Variants in VHL observed in about 807,000 individuals in gnomAD.
VHL encodes the protein von Hippel-Lindau tumor suppressor, also known as von Hippel-Lindau disease tumor suppressor.
In VHL, 10 loss-of-function variants were observed where a neutral mutation model predicts 19.2. That is an observed-to-expected ratio of 0.52 (90% CI 0.32 to 0.89). The LOEUF (loss-of-function observed/expected upper bound fraction) is 0.89, where lower values mean the gene tolerates loss of function less well. VHL is among the 40% of genes least tolerant of loss of function. VHL has a pLI of 0.03. For missense variants in VHL, 328 were observed against 292.7 expected (o/e 1.12, Z -0.88); for synonymous variants, 167 against 129.5 (o/e 1.29, Z -1.97).
intron 1 of VHL, among the ~76,000 whole-genome samples, chr3:10,144,237 C>A (rs1256753139): frequency 1.3e-5 from 2 of 151,282 alleles, no homozygotes; most frequent in Admixed American, 6.6e-5. Context: ...GAGGCTGAGG[C>A]AGGAGGATTT....
intron 2 of VHL, 56 bp downstream of exon 2, chr3:10,146,692 A>G (rs1696269115): frequency 1.2e-6 from 2 of 1,607,184 alleles, no homozygotes; most frequent in Non-Finnish European, 1.7e-6. Context: ...TACAGGATAG[A>G]CCACTTGAAA....
At position 10,150,203 on chromosome 3, in the gene VHL, G is replaced by C; in HGVS notation, c.*238G>C. 4 of 1,374,854 alleles carry C rather than the reference G, an allele frequency of 2.9e-6. No individual in the cohort carries two copies. Among genetic ancestry groups the C allele is most frequent in the Non-Finnish European group, 3.8e-6 (4 of 1,061,518 alleles). 85.2% of individuals were successfully genotyped at this position (1,374,854 alleles called of 1,614,324 possible). ...ATTAGAGAAGTATTTATCAGGAGAA[G>C]GTGGTGGCATTTTTGCTTCCTAGTA... On this transcript the variant is annotated 3_prime_UTR_variant, in exon 3 of 3. Coordinates refer to ENST00000256474, the MANE Select transcript of VHL (RefSeq NM_000551.4).
In VHL at chr3:10,153,150, C is replaced by T. The variant is rs992364603; in HGVS notation, c.*3185C>T. The stretch of plus-strand genomic sequence containing the variant: ...AAAATTAGGCGGGCGTGGTGGTGAG[C>T]GCCTGTAGTCCCAGCTACTCGAGAG... On this transcript the variant is annotated 3_prime_UTR_variant, in exon 3 of 3. Coordinates refer to ENST00000256474, the MANE Select transcript of VHL (RefSeq NM_000551.4). 3.3e-5 allele frequency among the ~76,000 whole-genome samples: 5 copies of T among 151,994 alleles called. No homozygotes were observed. The highest frequency in any genetic ancestry group is 1.2e-4 in the African/African-American group (5 of 41,382).
chr3:10,144,547 A>G (rs1355195312), intron 1 of VHL, among the ~76,000 whole-genome samples: 3 of 123,174 alleles, frequency 2.4e-5, no homozygotes, highest in African/African-American at 9.8e-5. Context: ...CCTGGGCTGG[A>G]GTGTGGAGGC....
At chr3:10,147,076 A>C (rs549441039) in intron 2 of VHL, among the ~76,000 whole-genome samples, 1 of 152,106 alleles carries the variant, frequency 6.6e-6, no homozygotes, top group Non-Finnish European at 1.5e-5. Context: ...CAGTGGCGCA[A>C]TCTCGGCTCA....
chr3:10,153,339 G>A lies in VHL; in HGVS notation c.*3374G>A, dbSNP rs144782223. ...GGCGGTGGGCGCCTGTGAGGCAGGC[G>A]AATCTCTTGAACCCGGGAGGCGGAG... On this transcript the variant is annotated 3_prime_UTR_variant, in exon 3 of 3. Coordinates refer to ENST00000256474, the MANE Select transcript of VHL (RefSeq NM_000551.4). Among the ~76,000 whole-genome samples, 42 of 151,236 alleles carry A rather than the reference G, an allele frequency of 2.8e-4. No homozygotes were observed. The highest frequency in any genetic ancestry group is 4.3e-4 in the Non-Finnish European group (29 of 67,808).
chr3:10,146,606 C>G lies in VHL; in HGVS notation c.433C>G (p.Gln145Glu), dbSNP rs749704215. 6 of 1,613,996 alleles carry G rather than the reference C, an allele frequency of 3.7e-6. No homozygotes were observed. Among genetic ancestry groups the G allele is most frequent in the South Asian group, 1.1e-5 (1 of 91,090 alleles). The change falls in exon 2 of 3, where the codon CAG (glutamine) becomes GAG (glutamate). Residue 145 changes from glutamine (Q) to glutamate (E), a missense_variant. Transcript: ENST00000256474. ...TGTGCCATCTCTCAATGTTGACGGA[C>G]AGCCTATTTTTGCCAATATCACACT... The part of the protein sequence containing the change: ...LFVPSLNVDG[Q>E]PIFANITLPV...
In VHL at chr3:10,146,571, C is replaced by G. The variant is rs1060503565; in HGVS notation, c.398C>G (p.Thr133Ser). 6 of 1,614,052 alleles carry G rather than the reference C, an allele frequency of 3.7e-6. No individual in the cohort carries two copies. Among genetic ancestry groups the G allele is most frequent in the Non-Finnish European group, 5.1e-6 (6 of 1,179,958 alleles). The change falls in exon 2 of 3, where the codon ACT (threonine) becomes AGT (serine). Residue 133 changes from threonine to serine, a missense_variant. By Grantham distance (58) the Thr-to-Ser change is moderately conservative. Transcript: ENST00000256474. ...GTHDGLLVNQ[T>S]ELFVPSLNVD... is the part of the protein sequence containing the mutation. Reference sequence around the variant, plus strand: ...CACGATGGGCTTCTGGTTAACCAAACTGAATTATTTGTGCCATCTCTCAAT... The same window carrying G: ...CACGATGGGCTTCTGGTTAACCAAAGTGAATTATTTGTGCCATCTCTCAAT...
In VHL at chr3:10,153,330, G is replaced by A. The variant is rs996353749; in HGVS notation, c.*3365G>A. ...TCCAGGTGTGGCGGTGGGCGCCTGT[G>A]AGGCAGGCGAATCTCTTGAACCCGG... On this transcript the variant is annotated 3_prime_UTR_variant, in exon 3 of 3. Coordinates refer to ENST00000256474, the MANE Select transcript of VHL (RefSeq NM_000551.4). Among the ~76,000 whole-genome samples, 1 of 151,562 alleles carries A rather than the reference G, an allele frequency of 6.6e-6. No homozygotes were observed. Among genetic ancestry groups the A allele is most frequent in the Non-Finnish European group, 1.5e-5 (1 of 67,932 alleles).
At chr3:10,147,040 C>T (rs751141138) in intron 2 of VHL, among the ~76,000 whole-genome samples, 1 of 152,168 alleles carries the variant, frequency 6.6e-6, no homozygotes, top group Non-Finnish European at 1.5e-5. Context: ...GAGACAGAAT[C>T]TCGCTGTGTT....
Position 10,151,276 on chromosome 3 carries a change from A to G in VHL, c.*1311A>G, listed in dbSNP as rs892588496. The G allele has an allele frequency of 9.6e-6, 2 of 208,610 alleles. No homozygotes were observed. Among genetic ancestry groups the G allele is most frequent in the Non-Finnish European group, 1.9e-5 (2 of 102,644 alleles). The allele number at this position is 208,610 out of a possible 1,614,324, so 12.9% of individuals were successfully genotyped here. Reference sequence around the variant, plus strand: ...TTCATGGAGTAGCCTGGACTGTTTCATAGTTTTCTAAATGTACAAATTCTT... The same window carrying G: ...TTCATGGAGTAGCCTGGACTGTTTCGTAGTTTTCTAAATGTACAAATTCTT... On this transcript the variant is annotated 3_prime_UTR_variant, in exon 3 of 3. Coordinates refer to ENST00000256474, the MANE Select transcript of VHL (RefSeq NM_000551.4).
At chr3:10,144,496 CTTTTT>C (rs34512214) in intron 1 of VHL, among the ~76,000 whole-genome samples, 126 of 116,612 alleles carry the variant, frequency 1.1e-3, no homozygotes, top group Non-Finnish European at 1.7e-3. Context: ...TCTATCTTGT[CTTTTT>C]TTTTTTTTTT....
At position 10,152,585 on chromosome 3, in the gene VHL, C is replaced by T. The variant is rs1244185842; in HGVS notation, c.*2620C>T. 2.2e-5 allele frequency among the ~76,000 whole-genome samples: 3 copies of T among 138,872 alleles called. No individual in the cohort carries two copies. The highest frequency in any genetic ancestry group is 5.6e-5 in the African/African-American group (2 of 35,984). 91.1% of individuals were successfully genotyped at this position (138,872 alleles called of 152,430 possible). On this transcript the variant is annotated 3_prime_UTR_variant, in exon 3 of 3. Coordinates refer to ENST00000256474, the MANE Select transcript of VHL (RefSeq NM_000551.4). ...TCTGCTCACTACAAGCTCTGCCTCC[C>T]GAGTTCAAGTGATTCTCCTGGCTCA...
At chr3:10,142,433 C>T in intron 1 of VHL, 1 of 534,854 alleles carries the variant, frequency 1.9e-6, no homozygotes, top group Non-Finnish European at 3.3e-6. Flanking sequence ...GCAGCCTCCG[C>T]CTCCCGGGTT....
chr3:10,145,392 T>C (rs1006883887), intron 1 of VHL, among the ~76,000 whole-genome samples: 17 of 152,088 alleles, frequency 1.1e-4, no homozygotes, highest in African/African-American at 3.6e-4. Flanking sequence ...CTGCCCTCTT[T>C]TGTTTGTGAT....
rs965525908 is a variant in VHL, at chr3:10,150,755, G to A, written c.*790G>A. 4.3e-6 allele frequency: 1 copy of A among 233,212 alleles called. No individual in the cohort carries two copies. The highest frequency in any genetic ancestry group is 2.2e-5 in the African/African-American group (1 of 45,454). The allele number at this position is 233,212 out of a possible 1,614,324, so 14.4% of individuals were successfully genotyped here. A position where few individuals can be genotyped will look rare whatever the true frequency, so the allele number is the denominator to read the frequency against. ...ATTTTTGTAACTTGCCATCCGCACA[G>A]AAAATACGAGAAAATCTGCATGTTT... On this transcript the variant is annotated 3_prime_UTR_variant, in exon 3 of 3. Transcript: ENST00000256474.
Position 10,150,233 on chromosome 3 carries a change from A to G in VHL, c.*268A>G, listed in dbSNP as rs1286658376. On this transcript the variant is annotated 3_prime_UTR_variant, in exon 3 of 3. Coordinates refer to ENST00000256474, the MANE Select transcript of VHL (RefSeq NM_000551.4). ...TGGCATTTTTGCTTCCTAGTAAGTC[A>G]GGACAGCTTGTATGTAAGGAGGTTT... The G allele has an allele frequency of 8.9e-6, 12 of 1,340,836 alleles. No individual in the cohort carries two copies. The Admixed American group carries it at 3.7e-4, about 41-fold the overall frequency. 83.1% of individuals were successfully genotyped at this position (1,340,836 alleles called of 1,614,324 possible).
intron 2 of VHL, among the ~76,000 whole-genome samples, chr3:10,148,186 A>C (rs907961479): frequency 6.6e-6 from 1 of 152,066 alleles, no homozygotes; most frequent in Non-Finnish European, 1.5e-5. Flanking sequence ...TGTTTTAAGG[A>C]AGTAGATATA....
Position 10,150,074 on chromosome 3 carries a change from T to G in VHL, c.*109T>G, listed in dbSNP as rs976524073. On this transcript the variant is annotated 3_prime_UTR_variant, in exon 3 of 3. Coordinates refer to ENST00000256474, the MANE Select transcript of VHL (RefSeq NM_000551.4). ...TCCTTAGTTTCAAAGTGTCTCATTC[T>G]CAGAGTAAAATAGGCACCATTGCTT... The G allele has an allele frequency of 3.9e-6, 6 of 1,545,334 alleles. No individual in the cohort carries two copies. In the East Asian group the frequency reaches 1.2e-4, roughly 31 times the overall value.
Sources: gnomAD v4.1 joint callset for allele counts (sites outside exome capture counted in the v4.1 genomes callset) on GRCh38, gnomAD v4.1.1 for gene constraint, MANE v1.5 for transcripts, NCBI Gene and HGNC (gene_info 2026-07-23, HGNC 2026-07-21) for gene names.